Variants in BTN3A1 observed in about 807,000 individuals in gnomAD.
BTN3A1 encodes the protein butyrophilin subfamily 3 member A1.
BTN3A1 carries 24 observed loss-of-function variants against 43.0 expected under a neutral mutation model. That is an observed-to-expected ratio of 0.56 (90% CI 0.40 to 0.78). The LOEUF is 0.78. Ranked by LOEUF, BTN3A1 falls within the 30% of genes least tolerant of loss-of-function variation. BTN3A1 has a pLI of 0.00. For missense variants in BTN3A1, 533 were observed against 626.2 expected (o/e 0.85, Z 1.59); for synonymous variants, 181 against 234.7 (o/e 0.77, Z 2.09).
chr6:26,413,797 G>A lies in BTN3A1; in HGVS notation c.*105G>A. 1 of 1,598,482 alleles carries A rather than the reference G, an allele frequency of 6.3e-7. No homozygotes were observed. Among genetic ancestry groups the A allele is most frequent in the South Asian group, 1.1e-5 (1 of 90,890 alleles). ...CGAAAGTGGGGAGCCTCAGGCTGAA[G>A]TAACTTTTCTCTGCTTCTCCCTGCC... On this transcript the variant is annotated 3_prime_UTR_variant, in exon 10 of 10. Coordinates refer to ENST00000289361, the MANE Select transcript of BTN3A1 (RefSeq NM_007048.6).
chr6:26,407,628 A>T, intron 3 of BTN3A1, 43 bp from the exon 4 acceptor site: 1 of 1,600,090 alleles, frequency 6.2e-7, no homozygotes, highest in Non-Finnish European at 8.5e-7. Flanking sequence ...ACCCTCTCTG[A>T]TACAGGCCTC....
chr6:26,412,564 C>G, intron 9 of BTN3A1: 1 of 1,547,048 alleles, frequency 6.5e-7, no homozygotes. Flanking sequence ...ATATAAGGCA[C>G]CACATAGAGC....
chr6:26,406,562 A>G (rs995097254), intron 3 of BTN3A1, among the ~76,000 whole-genome samples: 3 of 152,238 alleles, frequency 2.0e-5, no homozygotes, highest in Non-Finnish European at 4.4e-5. Context: ...GTACACAGTC[A>G]TTCGTGTTTA....
intron 2 of BTN3A1, 61 bp from the exon 3 acceptor site, chr6:26,405,848 C>G (rs950454895): frequency 6.2e-7 from 1 of 1,612,000 alleles, no homozygotes; most frequent in Admixed American, 1.7e-5. Context: ...TGAGAAGCAC[C>G]CTTCCTCTCA....
rs751120314 is a variant in BTN3A1, at chr6:26,413,477, A to G, written c.1327A>G (p.Thr443Ala). ...GCTGACTGATGGGAATAAGTATCGGACTCTAACTGAGCCCAGAACCAACCT... is the reference window on the plus strand; with the variant it reads ...GCTGACTGATGGGAATAAGTATCGGGCTCTAACTGAGCCCAGAACCAACCT... ...MGLTDGNKYRTLTEPRTNLKL... is the reference protein window; with the variant it reads ...MGLTDGNKYRALTEPRTNLKL... The change falls in exon 10 of 10, where the codon ACT (threonine) becomes GCT (alanine). Residue 443 changes from threonine to alanine, a missense_variant. By Grantham distance (58) the Thr-to-Ala change is moderately conservative (BLOSUM62 0). This residue lies in a region of BTN3A1 where 415 missense variants were observed against 427.0 expected (regional missense o/e 0.97). Coordinates refer to ENST00000289361, the MANE Select transcript of BTN3A1 (RefSeq NM_007048.6). 1.0e-4 allele frequency: 168 copies of G among 1,613,958 alleles called. No individual in the cohort carries two copies. In the Middle Eastern group the frequency reaches 2.0e-3, roughly 19 times the overall value.
At position 26,405,646 on chromosome 6, in the gene BTN3A1, C is replaced by T. The variant is rs769935296; in HGVS notation, c.83C>T (p.Ser28Leu). Reference protein sequence around the residue: ...LLLLQLLMPHSAQFSVLGPSG... With the variant: ...LLLLQLLMPHLAQFSVLGPSG... ...TTGCTTCAGCTGCTCATGCCTCACTCAGGTAGGGAACAATTCCACGCTTGT... is the reference window on the plus strand; with the variant it reads ...TTGCTTCAGCTGCTCATGCCTCACTTAGGTAGGGAACAATTCCACGCTTGT... The change falls in exon 2 of 10, where the codon TCA becomes TTA. Residue 28 changes from serine to leucine, a missense_variant and splice_region_variant. Transcript: ENST00000289361. 1.2e-6 allele frequency: 2 copies of T among 1,614,004 alleles called. No individual in the cohort carries two copies. Among genetic ancestry groups the T allele is most frequent in the Admixed American group, 1.7e-5 (1 of 59,998 alleles).
At position 26,411,145 on chromosome 6, in the gene BTN3A1, C is replaced by T. The variant is rs768181280; in HGVS notation, c.991+10C>T. ...CATTCAGCCTATAATGGTGAGTGAA[C>T]CTGATGCTCTCTGAGTTTGCTGGGA... On this transcript the variant is annotated intron_variant, in intron 8 of 9. Transcript: ENST00000289361. 2.5e-6 allele frequency: 4 copies of T among 1,607,374 alleles called. No individual in the cohort carries two copies. The highest frequency in any genetic ancestry group is 3.4e-6 in the Non-Finnish European group (4 of 1,177,550).
At chr6:26,413,027 G>A (rs1225831515) in intron 9 of BTN3A1, 142 bp from the exon 10 acceptor site, 5 of 1,492,496 alleles carry the variant, frequency 3.4e-6, no homozygotes, top group Non-Finnish European at 4.4e-6. Flanking sequence ...TGACATCGAT[G>A]AGAGAGTCAC....
chr6:26,408,087 C>G (rs546621070), intron 4 of BTN3A1, 135 bp downstream of exon 4: 1 of 1,390,192 alleles, frequency 7.2e-7, no homozygotes, highest in East Asian at 2.4e-5. Context: ...GGAGGCTCCT[C>G]CTTGCACCGG....
rs1762325426 is a variant in BTN3A1, at chr6:26,414,484, C to A, written c.*792C>A. On this transcript the variant is annotated 3_prime_UTR_variant, in exon 10 of 10. Coordinates refer to ENST00000289361, the MANE Select transcript of BTN3A1 (RefSeq NM_007048.6). The stretch of plus-strand genomic sequence containing the variant: ...GGTTGAGAGAATAACCTCACCGTAC[C>A]CACATGACACGTGATTTGGAAAGAG... 6.6e-6 allele frequency: 1 copy of A among 152,252 alleles called. No individual in the cohort carries two copies. Among genetic ancestry groups the A allele is most frequent in the Non-Finnish European group, 1.5e-5 (1 of 68,126 alleles). 9.4% of individuals were successfully genotyped at this position (152,252 alleles called of 1,614,324 possible).
At chr6:26,411,166 T>C (rs6921148) in intron 8 of BTN3A1, 31 bp downstream of exon 8, 35,818 of 1,605,894 alleles carry the variant, frequency 0.022, 496 homozygotes, top group Middle Eastern at 0.037. Flanking sequence ...CTGAGTTTGC[T>C]GGGACACGTG....
In BTN3A1 at chr6:26,413,006, G is replaced by A. The variant is rs1471227215; in HGVS notation, c.1019-163G>A. 11 of 1,466,546 alleles carry A rather than the reference G, an allele frequency of 7.5e-6. No homozygotes were observed. In the Admixed American group the frequency reaches 8.4e-5, roughly 11 times the overall value. 90.8% of individuals were successfully genotyped at this position (1,466,546 alleles called of 1,614,324 possible). A position where few individuals can be genotyped will look rare whatever the true frequency, so the allele number is the denominator to read the frequency against. ...GGACACAAGATACCTGATACCTGGG[G>A]CTTTCTCTCCTGACATCGATGAGAG... On this transcript the variant is annotated intron_variant, in intron 9 of 9. Transcript: ENST00000289361.
At chr6:26,412,758 G>T in intron 9 of BTN3A1, 1 of 1,551,396 alleles carries the variant, frequency 6.4e-7, no homozygotes, top group Non-Finnish European at 8.7e-7. Context: ...TGGATGTATG[G>T]AAAAATAGAC....
chr6:26,412,652 C>T (rs949174535), intron 9 of BTN3A1: 6 of 1,550,654 alleles, frequency 3.9e-6, no homozygotes, highest in East Asian at 2.4e-5. Flanking sequence ...GAGTAAATAA[C>T]ATGATTGCCT....
At chr6:26,412,843 T>G (rs1284185799) in intron 9 of BTN3A1, 14 of 1,536,768 alleles carry the variant, frequency 9.1e-6, no homozygotes, top group Non-Finnish European at 1.1e-5. Context: ...GTATAAAGCA[T>G]TAGTGGGCAG....
chr6:26,409,420 T>C, intron 4 of BTN3A1, 113 bp from the exon 5 acceptor site: 1 of 952,204 alleles, frequency 1.1e-6, no homozygotes, highest in Non-Finnish European at 1.7e-6. Flanking sequence ...TTTAACCTCA[T>C]GAGATAGATT....
Position 26,405,502 on chromosome 6 carries a change from A to G in BTN3A1, c.-62A>G, listed in dbSNP as rs1253743474. On this transcript the variant is annotated 5_prime_UTR_variant, in exon 2 of 10. The change creates a new upstream start codon in the 5' untranslated region. Transcript: ENST00000289361. ...TGGAGGTTTCCATTTGGAATTCTAT[A>G]GCTTCTTCCAGGTCATAGTGTCTGC... The G allele has an allele frequency of 2.7e-6, 4 of 1,486,530 alleles. No homozygotes were observed. The highest frequency in any genetic ancestry group is 3.8e-6 in the Non-Finnish European group (4 of 1,064,468). 92.1% of individuals were successfully genotyped at this position (1,486,530 alleles called of 1,614,324 possible).
In BTN3A1 at chr6:26,409,907, G is replaced by A. The variant is rs191565017; in HGVS notation, c.930G>A (p.Glu310=). ...QEQSTRVKLL[E]ELRWRSIQYA... ...CTTATTTTCCAGTGAAGCTCCTGGA[G>A]GAACTCAGTAAGTTCCCATTCCCCC... Residue 310 remains glutamate (E), a synonymous_variant, in exon 6 of 10, where the codon GAG becomes GAA. Coordinates refer to ENST00000289361, the MANE Select transcript of BTN3A1 (RefSeq NM_007048.6). The A allele has an allele frequency of 6.2e-7, 1 of 1,614,160 alleles. No homozygotes were observed. The highest frequency in any genetic ancestry group is 2.2e-5 in the East Asian group (1 of 44,882).
At chr6:26,409,492 A>T (rs369388255) in intron 4 of BTN3A1, 41 bp from the exon 5 acceptor site, 5 of 1,595,824 alleles carry the variant, frequency 3.1e-6, no homozygotes, top group East Asian at 2.2e-5. Context: ...GGGGAGGCTG[A>T]GTGCACCGGC....
Sources: gnomAD v4.1 joint callset for allele counts (sites outside exome capture counted in the v4.1 genomes callset) on GRCh38, gnomAD v4.1.1 for gene constraint, gnomAD v4.1.1 regional missense constraint, MANE v1.5 for transcripts, NCBI Gene and HGNC (gene_info 2026-07-23, HGNC 2026-07-21) for gene names.